ADAMTS6: variants seen among roughly 807,000 people sequenced by gnomAD.
ADAMTS6 encodes ADAM metallopeptidase with thrombospondin type 1 motif 6.
In ADAMTS6, 23 loss-of-function variants were observed where a neutral mutation model predicts 144.3. The observed-to-expected ratio is 0.16, with a 90% confidence interval of 0.11 to 0.23. The LOEUF (loss-of-function observed/expected upper bound fraction) is 0.23. ADAMTS6 is among the 10% of genes least tolerant of loss of function. ADAMTS6 has a pLI of 1.00. For synonymous variants in ADAMTS6, 444 were observed against 457.5 expected (o/e 0.97, Z 0.38); for missense variants, 999 against 1,379.6 (o/e 0.72, Z 4.37).
intron 7 of ADAMTS6, among the ~76,000 whole-genome samples, chr5:65,387,942 G>A (rs1347638183): frequency 6.6e-6 from 1 of 152,174 alleles, no homozygotes; most frequent in Non-Finnish European, 1.5e-5. Context: ...CGGGCACGGT[G>A]GCTCACACCT....
At position 65,355,757 on chromosome 5, in the gene ADAMTS6, A is replaced by C. The variant is rs139763040; in HGVS notation, c.1074-21672T>G. 2.0e-3 allele frequency among the ~76,000 whole-genome samples: 307 copies of C among 151,974 alleles called. 9 individuals carry two copies. In the East Asian group the frequency reaches 0.051, roughly 25 times the overall value. On this transcript the variant is annotated intron_variant, in intron 7 of 24. Transcript: ENST00000381055. Reference sequence around the variant, plus strand: ...AGCTAAAGCTATTTTAATTATATTAACATTATCAGCTTCATTTTAATTAAT... The same window carrying C: ...AGCTAAAGCTATTTTAATTATATTACCATTATCAGCTTCATTTTAATTAAT...
chr5:65,271,885 T>C (rs1762084267), intron 12 of ADAMTS6, among the ~76,000 whole-genome samples: 2 of 152,224 alleles, frequency 1.3e-5, no homozygotes, highest in South Asian at 2.1e-4. Context: ...TGAAAAAAAA[T>C]AGAAGGAATT....
chr5:65,453,562 C>T (rs1476626940), intron 4 of ADAMTS6, among the ~76,000 whole-genome samples: 2 of 152,170 alleles, frequency 1.3e-5, no homozygotes, highest in South Asian at 2.1e-4. Context: ...TGAAAGATCA[C>T]GATTCCAGCA....
At chr5:65,176,964 A>G (rs1288551347) in intron 22 of ADAMTS6, among the ~76,000 whole-genome samples, 1 of 152,248 alleles carries the variant, frequency 6.6e-6, no homozygotes, top group African/African-American at 2.4e-5. Flanking sequence ...TAGAAATTAT[A>G]TACTTGGTTT....
At chr5:65,428,379 TC>T (rs1459353334) in intron 7 of ADAMTS6, among the ~76,000 whole-genome samples, 4 of 152,148 alleles carry the variant, frequency 2.6e-5, no homozygotes, top group Non-Finnish European at 5.9e-5. Context: ...TGCCTCTGTT[TC>T]CAACAAAAAA....
intron 21 of ADAMTS6, among the ~76,000 whole-genome samples, chr5:65,190,344 A>G (rs527931216): frequency 7.7e-4 from 117 of 152,326 alleles, no homozygotes; most frequent in African/African-American, 2.8e-3. Context: ...CCACAGATGA[A>G]CATGATCCCC....
chr5:65,189,365 A>G (rs182447925), intron 21 of ADAMTS6, among the ~76,000 whole-genome samples: 106 of 152,332 alleles, frequency 7.0e-4, no homozygotes, highest in African/African-American at 2.5e-3. Context: ...AACTGGAGCA[A>G]AAGGGACCCT....
At chr5:65,449,206 C>G (rs1580733590) in intron 7 of ADAMTS6, among the ~76,000 whole-genome samples, 2 of 152,270 alleles carry the variant, frequency 1.3e-5, no homozygotes, top group East Asian at 3.9e-4. Flanking sequence ...ATTTTTCTAA[C>G]CTCTGTTACA....
intron 7 of ADAMTS6, among the ~76,000 whole-genome samples, chr5:65,412,407 TACAC>T (rs1214738431): frequency 6.6e-6 from 1 of 151,792 alleles, no homozygotes; most frequent in Non-Finnish European, 1.5e-5. Flanking sequence ...CATACACACA[TACAC>T]ACATGCACAC....
chr5:65,205,915 G>T (rs1314603279), intron 20 of ADAMTS6, among the ~76,000 whole-genome samples: 3 of 152,124 alleles, frequency 2.0e-5, no homozygotes, highest in African/African-American at 7.2e-5. Context: ...ATAGATATGA[G>T]AAATTTACAT....
intron 3 of ADAMTS6, among the ~76,000 whole-genome samples, chr5:65,466,391 T>C (rs1760004147): frequency 6.6e-6 from 1 of 152,234 alleles, no homozygotes; most frequent in South Asian, 2.1e-4. Flanking sequence ...ATTTCCTTCC[T>C]CCTTTCCCTT....
At chr5:65,437,067 G>A (rs578049530) in intron 7 of ADAMTS6, among the ~76,000 whole-genome samples, 34 of 151,406 alleles carry the variant, frequency 2.2e-4, no homozygotes, top group African/African-American at 6.3e-4. Context: ...CAGCAGACAA[G>A]AGAAGAGAGA....
rs374748786 is a variant in ADAMTS6 at position 65,214,998 on chromosome 5, T to C, written c.2437-66A>G. ...TGAGCCTTCATTCAGATATTTATTA[T>C]TCCTTTTGAAGAAGAAAATGTCAAA... On this transcript the variant is annotated intron_variant, in intron 19 of 24. Transcript: ENST00000381055. This position sits in a 1 kb window ranked among gnomAD's most constrained non-coding sequence, Gnocchi z 4.6. 291 of 1,527,558 alleles carry C rather than the reference T, an allele frequency of 1.9e-4. 3 individuals are homozygous for C. In the African/African-American group the frequency reaches 3.8e-3, roughly 20 times the overall value. The allele number at this position is 1,527,558 out of a possible 1,614,324, so 94.6% of individuals were successfully genotyped here.
At chr5:65,212,531 G>A (rs1756617055) in intron 20 of ADAMTS6, among the ~76,000 whole-genome samples, 1 of 142,576 alleles carries the variant, frequency 7.0e-6, no homozygotes, top group East Asian at 2.1e-4. Flanking sequence ...TTTACTTTCT[G>A]ACTTCAACAA....
At chr5:65,213,287 A>G (rs1211378593) in intron 20 of ADAMTS6, among the ~76,000 whole-genome samples, 1 of 152,116 alleles carries the variant, frequency 6.6e-6, no homozygotes, top group East Asian at 1.9e-4. Flanking sequence ...CATGTTGTAT[A>G]GACTTTATAT....
At chr5:65,415,076 G>C (rs537555990) in intron 7 of ADAMTS6, among the ~76,000 whole-genome samples, 1 of 151,996 alleles carries the variant, frequency 6.6e-6, no homozygotes, top group Admixed American at 6.6e-5. Flanking sequence ...AAATATTTGC[G>C]AATCATATAT....
In ADAMTS6 at chr5:65,301,867, T is replaced by C. The variant is rs1016319182; in HGVS notation, c.1224-1736A>G. On this transcript the variant is annotated intron_variant, in intron 9 of 24. Transcript: ENST00000381055. Reference sequence around the variant, plus strand: ...GCTTTGCGAGGCTGGGGCGGGAGGATCACCTGAGGTCAGGAGCTCGAGACT... The same window carrying C: ...GCTTTGCGAGGCTGGGGCGGGAGGACCACCTGAGGTCAGGAGCTCGAGACT... 9.9e-5 allele frequency among the ~76,000 whole-genome samples: 15 copies of C among 151,872 alleles called. No homozygotes were observed. In the East Asian group the frequency reaches 2.7e-3, roughly 27 times the overall value.
intron 14 of ADAMTS6, among the ~76,000 whole-genome samples, chr5:65,259,732 T>C (rs937747871): frequency 1.5e-4 from 23 of 152,234 alleles, no homozygotes; most frequent in African/African-American, 5.3e-4. Flanking sequence ...ACTAGCATGG[T>C]TTTTTGGTTT....
At chr5:65,395,307 T>C (rs2150154022) in intron 7 of ADAMTS6, among the ~76,000 whole-genome samples, 1 of 152,278 alleles carries the variant, frequency 6.6e-6, no homozygotes, top group South Asian at 2.1e-4. Context: ...TCCCAAGGAC[T>C]AGTCTCAGGA....
Sources: gnomAD v4.1 joint callset for allele counts (sites outside exome capture counted in the v4.1 genomes callset) on GRCh38, gnomAD v4.1.1 for gene constraint, Gnocchi (gnomAD v3.1) non-coding constraint, MANE v1.5 for transcripts, NCBI Gene and HGNC (gene_info 2026-07-23, HGNC 2026-07-21) for gene names.